PSMB7: variants seen among roughly 807,000 people sequenced by gnomAD.
The protein encoded by PSMB7 is proteasome subunit beta type-7.
PSMB7 carries 5 observed loss-of-function variants against 28.1 expected under a neutral mutation model. The ratio of observed to expected loss-of-function variants is 0.18; its 90% CI spans 0.09 to 0.37. The LOEUF (loss-of-function observed/expected upper bound fraction) is 0.37. PSMB7 is among the 10% of genes least tolerant of loss of function. The pLI is 1.00. For missense variants in PSMB7, 275 were observed against 346.2 expected, an observed-to-expected ratio of 0.79 and a Z score of 1.63; for synonymous variants, 122 against 123.7, an observed-to-expected ratio of 0.99 and a Z score of 0.09.
rs757432639 is a variant in PSMB7 at position 124,356,784 on chromosome 9, C to T, written c.702G>A (p.Val234=). 17 of 1,613,358 alleles carry T rather than the reference C, an allele frequency of 1.1e-5. No homozygotes were observed. The highest frequency in any genetic ancestry group is 1.7e-5 in the Admixed American group (1 of 59,954). ...NKLDFLRPYT[V]PNKKGTRLGR... Reference sequence around the variant, plus strand: ...CTCACCTGGTCCCCTTCTTGTTGGGCACTGTGTATGGGCGGAGAAAATCCA... The same window carrying T: ...CTCACCTGGTCCCCTTCTTGTTGGGTACTGTGTATGGGCGGAGAAAATCCA... The change falls in exon 7 of 8, where the codon GTG becomes GTA. Residue 234 remains valine, a synonymous_variant. Transcript: ENST00000259457. The surrounding 1 kb of genome is among the most constrained non-coding windows in gnomAD (Gnocchi z 4.4).
chr9:124,378,603 C>T (rs1564679284), intron 6 of PSMB7, among the ~76,000 whole-genome samples: 1 of 152,166 alleles, frequency 6.6e-6, no homozygotes, highest in Non-Finnish European at 1.5e-5. Flanking sequence ...CAGTATTGAT[C>T]TTGACAGACT....
intron 3 of PSMB7, among the ~76,000 whole-genome samples, chr9:124,412,862 C>T (rs1419949691): frequency 6.6e-6 from 1 of 152,026 alleles, no homozygotes; most frequent in Admixed American, 6.5e-5. Flanking sequence ...TTACACTAAG[C>T]ACTGGGAATA....
intron 6 of PSMB7, among the ~76,000 whole-genome samples, chr9:124,360,539 G>A (rs1466023275): frequency 1.3e-5 from 2 of 152,258 alleles, no homozygotes; most frequent in East Asian, 3.8e-4. Flanking sequence ...TATGTTGCAG[G>A]TCACAAGGGA....
At chr9:124,412,715 T>G (rs1287926018) in intron 3 of PSMB7, among the ~76,000 whole-genome samples, 1 of 152,228 alleles carries the variant, frequency 6.6e-6, no homozygotes, top group African/African-American at 2.4e-5. Context: ...ATGGAACACA[T>G]GAAATTATTG....
chr9:124,377,806 A>G (rs757564905), intron 6 of PSMB7, among the ~76,000 whole-genome samples: 58 of 152,228 alleles, frequency 3.8e-4, no homozygotes, highest in Non-Finnish European at 6.5e-4. Flanking sequence ...TTCTCTCTGA[A>G]GGGTATAGGG....
intron 6 of PSMB7, among the ~76,000 whole-genome samples, chr9:124,373,276 A>G (rs997922949): frequency 1.3e-5 from 2 of 152,250 alleles, no homozygotes; most frequent in Non-Finnish European, 2.9e-5. Flanking sequence ...ACTACTTAGA[A>G]TAATTCCATA....
rs755565819 is a variant in PSMB7 at position 124,412,379 on chromosome 9, T to C, written c.368A>G (p.Asn123Ser). ...GAAAAGCATCTGCTTCAGCATCCGA[T>C]TGGCTGTCACAACTCTGGGAAGACG... ...TGRLPRVVTANRMLKQMLFRY... is the reference protein window; with the variant it reads ...TGRLPRVVTASRMLKQMLFRY... Residue 123 changes from asparagine to serine, a missense_variant, in exon 4 of 8, where the codon AAT (asparagine) becomes AGT (serine). Around this residue, in one of 2 missense-constraint regions of PSMB7, gnomAD observed 213 missense variants for 302.4 expected, o/e 0.70. Coordinates refer to ENST00000259457, the MANE Select transcript of PSMB7 (RefSeq NM_002799.4). 8 of 1,614,126 alleles carry C rather than the reference T, an allele frequency of 5.0e-6. No homozygotes were observed. Among genetic ancestry groups the C allele is most frequent in the South Asian group, 2.2e-5 (2 of 91,070 alleles).
chr9:124,394,902 A>G (rs932383388), intron 5 of PSMB7, among the ~76,000 whole-genome samples: 2 of 152,220 alleles, frequency 1.3e-5, no homozygotes, highest in South Asian at 2.1e-4. Flanking sequence ...CCACCGCAAC[A>G]TAATTTTAAG....
chr9:124,412,992 G>A (rs964556093), intron 3 of PSMB7, among the ~76,000 whole-genome samples: 5 of 151,730 alleles, frequency 3.3e-5, no homozygotes, highest in Admixed American at 3.3e-4. Context: ...CGGGAAACCG[G>A]AGGAGAAGGT....
At chr9:124,373,026 A>G (rs1393492980) in intron 6 of PSMB7, among the ~76,000 whole-genome samples, 2 of 152,218 alleles carry the variant, frequency 1.3e-5, no homozygotes, top group Admixed American at 6.5e-5. Flanking sequence ...GTCCCTTCCT[A>G]CCTCTCCAAA....
intron 6 of PSMB7, among the ~76,000 whole-genome samples, chr9:124,367,049 G>C (rs901159551): frequency 2.0e-5 from 3 of 152,240 alleles, no homozygotes; most frequent in Non-Finnish European, 4.4e-5. Context: ...ACTACGACAG[G>C]GAAGCCGTGG....
chr9:124,380,932 T>C (rs1423035175), intron 6 of PSMB7, among the ~76,000 whole-genome samples: 1 of 152,218 alleles, frequency 6.6e-6, no homozygotes, highest in East Asian at 1.9e-4. Flanking sequence ...GTTCTGGTAG[T>C]TATGGTTTAA....
At chr9:124,379,439 G>A (rs1451265125) in intron 6 of PSMB7, among the ~76,000 whole-genome samples, 2 of 151,978 alleles carry the variant, frequency 1.3e-5, no homozygotes, top group East Asian at 1.9e-4. Context: ...CTCACAGCAA[G>A]GGAACAAACA....
intron 5 of PSMB7, among the ~76,000 whole-genome samples, chr9:124,396,499 A>C (rs1830845076): frequency 6.6e-6 from 1 of 152,230 alleles, no homozygotes; most frequent in Admixed American, 6.5e-5. Context: ...GAGGCCCTGT[A>C]AACTGGGACT....
chr9:124,408,895 A>G (rs1243211056), intron 4 of PSMB7, among the ~76,000 whole-genome samples: 3 of 152,222 alleles, frequency 2.0e-5, no homozygotes, highest in African/African-American at 7.2e-5. Flanking sequence ...TTATAATTTT[A>G]AAAAGTTATT....
chr9:124,388,615 A>C (rs1830750965), intron 5 of PSMB7, among the ~76,000 whole-genome samples: 1 of 152,196 alleles, frequency 6.6e-6, no homozygotes, highest in Non-Finnish European at 1.5e-5. Context: ...CTCATACAAA[A>C]AGTCCTATAT....
intron 3 of PSMB7, 70 bp from the exon 4 acceptor site, chr9:124,412,562 T>C (rs1831040041): frequency 6.6e-7 from 1 of 1,523,760 alleles, no homozygotes; most frequent in Non-Finnish European, 9.0e-7. Flanking sequence ...TAATGGGTTC[T>C]TGGATAACTT....
intron 5 of PSMB7, among the ~76,000 whole-genome samples, chr9:124,387,719 T>C (rs1028871038): frequency 2.0e-5 from 3 of 152,164 alleles, no homozygotes; most frequent in Non-Finnish European, 2.9e-5. Context: ...ACAGAAGTGT[T>C]TGGAGATAGA....
chr9:124,358,709 G>T (rs548603515), intron 6 of PSMB7, among the ~76,000 whole-genome samples: 1 of 152,316 alleles, frequency 6.6e-6, no homozygotes, highest in Non-Finnish European at 1.5e-5. Context: ...CACGTGCGGG[G>T]AGAACCATAC....
Sources: allele counts gnomAD v4.1 joint callset (sites outside exome capture counted in the v4.1 genomes callset), GRCh38; gene constraint gnomAD v4.1.1; regional missense constraint gnomAD v4.1.1; non-coding constraint Gnocchi (gnomAD v3.1); transcripts MANE v1.5; gene names NCBI Gene and HGNC (gene_info 2026-07-23, HGNC 2026-07-21).